Variants in SIK2 observed in about 807,000 individuals in gnomAD.
SIK2 encodes the protein serine/threonine-protein kinase SIK2.
SIK2 carries 29 observed loss-of-function variants against 103.2 expected under a neutral mutation model. The observed-to-expected ratio is 0.28, with a 90% confidence interval of 0.21 to 0.38. The LOEUF (loss-of-function observed/expected upper bound fraction) is 0.38. Among genes scored for constraint, SIK2 ranks in the 10% least tolerant of loss-of-function variants. The probability of loss-of-function intolerance (pLI) is 1.00; values close to 1 mark genes in which losing one functional copy is unlikely to be tolerated. For missense variants in SIK2, 879 were observed against 1,171.0 expected (o/e 0.75, Z 3.64); for synonymous variants, 412 against 446.1 (o/e 0.92, Z 0.96).
intron 3 of SIK2, among the ~76,000 whole-genome samples, chr11:111,660,064 A>T (rs568423047): frequency 6.6e-6 from 1 of 152,294 alleles, no homozygotes; most frequent in African/African-American, 2.4e-5. Flanking sequence ...CTGCCCTGAA[A>T]ATGAACCTCA....
chr11:111,669,873 G>A (rs942611663), intron 3 of SIK2, among the ~76,000 whole-genome samples: 1 of 151,920 alleles, frequency 6.6e-6, no homozygotes. Flanking sequence ...CATATTTTCA[G>A]CTCCTAAAGT....
At chr11:111,692,368 AAAAAAAAAAAAAAAAAAAAACAC>A (rs1942964576) in intron 4 of SIK2, among the ~76,000 whole-genome samples, 2 of 129,878 alleles carry the variant, frequency 1.5e-5, no homozygotes, top group Non-Finnish European at 3.3e-5. Flanking sequence ...AAAAAAAAAA[AAAAAAAAAAAAAAAAAAAAACAC>A]AAAAAGGAGA....
chr11:111,633,157 A>T (rs1377240048), intron 3 of SIK2, among the ~76,000 whole-genome samples: 1 of 152,200 alleles, frequency 6.6e-6, no homozygotes, highest in Non-Finnish European at 1.5e-5. Flanking sequence ...CTCTCTGCCT[A>T]TTGAAATACT....
At chr11:111,699,292 T>A (rs1943155002) in intron 4 of SIK2, among the ~76,000 whole-genome samples, 1 of 152,214 alleles carries the variant, frequency 6.6e-6, no homozygotes, top group South Asian at 2.1e-4. Flanking sequence ...TTTTCTCTCC[T>A]AAACCTTGAA....
chr11:111,608,002 T>C (rs1941670320), intron 1 of SIK2, among the ~76,000 whole-genome samples: 1 of 152,224 alleles, frequency 6.6e-6, no homozygotes, highest in Non-Finnish European at 1.5e-5. Context: ...TATGACCCAC[T>C]GCTGATGGCA....
At chr11:111,717,026 C>A (rs1036301199) in intron 9 of SIK2, among the ~76,000 whole-genome samples, 6 of 152,074 alleles carry the variant, frequency 3.9e-5, no homozygotes, top group African/African-American at 1.4e-4. Context: ...AAAAAAAGCT[C>A]AACAGCGGCC....
intron 3 of SIK2, among the ~76,000 whole-genome samples, chr11:111,668,585 A>C (rs1024853917): frequency 6.6e-6 from 1 of 152,200 alleles, no homozygotes; most frequent in African/African-American, 2.4e-5. Context: ...ATCAAATTAA[A>C]GATGTCTTCA....
intron 3 of SIK2, among the ~76,000 whole-genome samples, chr11:111,626,585 A>G (rs1223908762): frequency 6.6e-6 from 1 of 151,428 alleles, no homozygotes; most frequent in Non-Finnish European, 1.5e-5. Context: ...CCTTCTCTGT[A>G]TGTTGTGTCA....
At chr11:111,717,490 A>G (rs556687528) in intron 9 of SIK2, among the ~76,000 whole-genome samples, 12 of 152,172 alleles carry the variant, frequency 7.9e-5, no homozygotes, top group Admixed American at 2.0e-4. Context: ...TTACACTGTT[A>G]GTGGGAGTGT....
intron 3 of SIK2, among the ~76,000 whole-genome samples, chr11:111,620,735 A>G (rs1428581689): frequency 6.6e-6 from 1 of 152,124 alleles, no homozygotes; most frequent in Non-Finnish European, 1.5e-5. Context: ...GCAAATATTT[A>G]TTAAGCTTCT....
Position 111,703,348 on chromosome 11 carries a change from A to G in SIK2, c.873A>G (p.Pro291=). ...VLYPQEQENE[P]SIGEFNEQVL... is the part of the protein sequence containing the mutation. ...ATCCACAAGAGCAAGAAAATGAGCCATCCATCGGGGAGTTTAATGAGCAGG... is the reference window on the plus strand; with the variant it reads ...ATCCACAAGAGCAAGAAAATGAGCCGTCCATCGGGGAGTTTAATGAGCAGG... Residue 291 remains proline (P), a synonymous_variant, in exon 7 of 15, where the codon CCA becomes CCG. Transcript: ENST00000304987. 6.2e-7 allele frequency: 1 copy of G among 1,614,192 alleles called. No individual in the cohort carries two copies. Among genetic ancestry groups the G allele is most frequent in the Non-Finnish European group, 8.5e-7 (1 of 1,180,008 alleles).
intron 3 of SIK2, among the ~76,000 whole-genome samples, chr11:111,685,791 G>A (rs1299400810): frequency 6.6e-6 from 1 of 152,012 alleles, no homozygotes; most frequent in Non-Finnish European, 1.5e-5. Context: ...TTGAGGTTGA[G>A]GTGAGCTATA....
At chr11:111,611,851 G>T (rs568935485) in intron 1 of SIK2, among the ~76,000 whole-genome samples, 1 of 152,150 alleles carries the variant, frequency 6.6e-6, no homozygotes, top group East Asian at 1.9e-4. Context: ...AACTAAATAA[G>T]AGAAGGGATA....
At chr11:111,667,434 T>G (rs1427798265) in intron 3 of SIK2, among the ~76,000 whole-genome samples, 1 of 151,812 alleles carries the variant, frequency 6.6e-6, no homozygotes, top group Non-Finnish European at 1.5e-5. Context: ...TAGGGATCAG[T>G]GAGAAATATG....
chr11:111,608,068 C>T (rs967524156), intron 1 of SIK2, among the ~76,000 whole-genome samples: 1 of 152,148 alleles, frequency 6.6e-6, no homozygotes, highest in East Asian at 1.9e-4. Context: ...ATCGTTCTTT[C>T]CGCTTTAATG....
intron 3 of SIK2, among the ~76,000 whole-genome samples, chr11:111,687,613 A>G (rs1274244953): frequency 8.5e-6 from 1 of 117,578 alleles, no homozygotes; most frequent in African/African-American, 3.3e-5. Flanking sequence ...TAAAAAAAAA[A>G]ACTTTTTTTT....
chr11:111,717,057 G>A (rs1002259689), intron 9 of SIK2, among the ~76,000 whole-genome samples: 3 of 152,076 alleles, frequency 2.0e-5, no homozygotes, highest in Non-Finnish European at 4.4e-5. Context: ...GCTCACGCCC[G>A]TAATCCCAGC....
chr11:111,624,260 A>G (rs1340945115), intron 3 of SIK2, among the ~76,000 whole-genome samples: 1 of 152,194 alleles, frequency 6.6e-6, no homozygotes, highest in African/African-American at 2.4e-5. Flanking sequence ...AACTCATTGT[A>G]TTTCAGAAAA....
intron 10 of SIK2, 48 bp downstream of exon 10, chr11:111,720,051 A>T: frequency 6.4e-7 from 1 of 1,558,558 alleles, no homozygotes; most frequent in Non-Finnish European, 8.7e-7. Context: ...GCATCATGTC[A>T]TACTCCAATT....
Sources: allele counts gnomAD v4.1 joint callset (sites outside exome capture counted in the v4.1 genomes callset), GRCh38; gene constraint gnomAD v4.1.1; transcripts MANE v1.5; gene names NCBI Gene and HGNC (gene_info 2026-07-23, HGNC 2026-07-21).